Variants in ZNF561 observed in about 807,000 individuals in gnomAD.
ZNF561 encodes zinc finger protein 561.
ZNF561 carries 16 observed loss-of-function variants against 16.7 expected under a neutral mutation model. The observed-to-expected ratio is 0.96, with a 90% CI of 0.65 to 1.45. The LOEUF (loss-of-function observed/expected upper bound fraction) is 1.45. Ranked by LOEUF, ZNF561 falls within the 40% of genes most tolerant of loss-of-function variation. The probability of loss-of-function intolerance (pLI) is 0.00; values close to 1 mark genes in which losing one functional copy is unlikely to be tolerated. For missense variants in ZNF561, 580 were observed against 578.0 expected (o/e 1.00, Z -0.04); for synonymous variants, 190 against 192.1 (o/e 0.99, Z 0.09).
chr19:9,619,332 A>G lies in ZNF561; in HGVS notation c.25+100T>C, dbSNP rs1397484256. 2.9e-5 allele frequency: 32 copies of G among 1,094,980 alleles called. No homozygotes were observed. The East Asian group carries it at 7.6e-4, about 26-fold the overall frequency. The allele number at this position is 1,094,980 out of a possible 1,614,324, so 67.8% of individuals were successfully genotyped here. A position where few individuals can be genotyped will look rare whatever the true frequency, so the allele number is the denominator to read the frequency against. On this transcript the variant is annotated intron_variant, in intron 2 of 5. Transcript: ENST00000302851. ...GTTCACTTCAATTCCTCCTAAAAGA[A>G]CCAGCTGCATGCCTGCTCAGGCTCA...
rs749414318 is a variant in ZNF561, at chr19:9,610,692, T to C, written c.969A>G (p.Gln323=). The change falls in exon 6 of 6, where the codon CAA becomes CAG. Residue 323 remains glutamine (Q), a synonymous_variant. Coordinates refer to ENST00000302851, the MANE Select transcript of ZNF561 (RefSeq NM_152289.3). The stretch of plus-strand genomic sequence containing the variant: ...TGTGAGTTCTTACATGTTCAGTAAG[T>C]TGAGTTGATCTAGTGAAGGCTTTCC... ...YCGKAFTRST[Q]LTEHVRTHTG... 6.8e-6 allele frequency: 11 copies of C among 1,614,092 alleles called. No homozygotes were observed. The highest frequency in any genetic ancestry group is 3.3e-4 in the Middle Eastern group (2 of 6,062).
At position 9,608,551 on chromosome 19, in the gene ZNF561, A is replaced by T. The variant is rs2074390639; in HGVS notation, c.*1649T>A. The T allele has an allele frequency of 6.6e-6, 1 of 152,218 alleles. No individual in the cohort carries two copies. Among genetic ancestry groups the T allele is most frequent in the Non-Finnish European group, 1.5e-5 (1 of 68,038 alleles). The allele number at this position is 152,218 out of a possible 1,614,324, so 9.4% of individuals were successfully genotyped here. On this transcript the variant is annotated 3_prime_UTR_variant, in exon 6 of 6. Coordinates refer to ENST00000302851, the MANE Select transcript of ZNF561 (RefSeq NM_152289.3). ...TGGCCTGAGCTCATTAAGGCAGATTAAAAACAAACAAACAAAAAAACTAAA... is the reference window on the plus strand; with the variant it reads ...TGGCCTGAGCTCATTAAGGCAGATTTAAAACAAACAAACAAAAAAACTAAA...
At chr19:9,614,160 A>G (rs916542422) in intron 4 of ZNF561, 57 bp from the exon 5 acceptor site, 9 of 1,587,440 alleles carry the variant, frequency 5.7e-6, no homozygotes, top group Middle Eastern at 1.7e-4. Context: ...TTCATTTAAA[A>G]TGAGTCATTT....
intron 4 of ZNF561, among the ~76,000 whole-genome samples, chr19:9,615,362 C>T (rs1243422829): frequency 2.0e-5 from 3 of 151,452 alleles, no homozygotes; most frequent in South Asian, 4.2e-4. Flanking sequence ...TTTGGGAGGT[C>T]GAGGTGGGTG....
rs780844118 is a variant in ZNF561, at chr19:9,609,585, G to A, written c.*615C>T. ...CTATATCAGCCACCTTGACAGAAGT[G>A]AGAAGAGAGACTGGATTATACTAGA... is the stretch of plus-strand genomic sequence containing the variant. On this transcript the variant is annotated 3_prime_UTR_variant, in exon 6 of 6. Coordinates refer to ENST00000302851, the MANE Select transcript of ZNF561 (RefSeq NM_152289.3). The A allele has an allele frequency of 1.3e-5, 2 of 152,262 alleles. No individual in the cohort carries two copies. The highest frequency in any genetic ancestry group is 2.9e-5 in the Non-Finnish European group (2 of 68,136). 9.4% of individuals were successfully genotyped at this position (152,262 alleles called of 1,614,324 possible). A position where few individuals can be genotyped will look rare whatever the true frequency, so the allele number is the denominator to read the frequency against.
rs1346680236 is a variant in ZNF561, at chr19:9,619,536, G to A, written c.-80C>T. ...CTCAGGCCAGCTTATGAATCTAGGTGGATAGAGGCAATCTCCATTCCTCTT... is the reference window on the plus strand; with the variant it reads ...CTCAGGCCAGCTTATGAATCTAGGTAGATAGAGGCAATCTCCATTCCTCTT... On this transcript the variant is annotated 5_prime_UTR_variant, in exon 2 of 6. Transcript: ENST00000302851. 6.8e-7 allele frequency: 1 copy of A among 1,472,638 alleles called. No homozygotes were observed. The highest frequency in any genetic ancestry group is 1.2e-5 in the South Asian group (1 of 86,564). The allele number at this position is 1,472,638 out of a possible 1,614,324, so 91.2% of individuals were successfully genotyped here. A position where few individuals can be genotyped will look rare whatever the true frequency, so the allele number is the denominator to read the frequency against.
At chr19:9,614,187 T>A in intron 4 of ZNF561, 84 bp from the exon 5 acceptor site, 1 of 1,512,406 alleles carries the variant, frequency 6.6e-7, no homozygotes, top group South Asian at 1.2e-5. Context: ...GTTTTCAAAT[T>A]AAACACAGCA....
In ZNF561 at chr19:9,609,216, A is replaced by C. The variant is rs2074402459; in HGVS notation, c.*984T>G. 6.6e-6 allele frequency: 1 copy of C among 152,192 alleles called. No individual in the cohort carries two copies. The highest frequency in any genetic ancestry group is 6.5e-5 in the Admixed American group (1 of 15,280). The allele number at this position is 152,192 out of a possible 1,614,324, so 9.4% of individuals were successfully genotyped here. A position where few individuals can be genotyped will look rare whatever the true frequency, so the allele number is the denominator to read the frequency against. On this transcript the variant is annotated 3_prime_UTR_variant, in exon 6 of 6. Coordinates refer to ENST00000302851, the MANE Select transcript of ZNF561 (RefSeq NM_152289.3). ...AATCTATAGAAATAATGTTTATCAC[A>C]GGCTTACTGTCAATAAATATGTGGG... is the stretch of plus-strand genomic sequence containing the variant.
chr19:9,618,124 C>T lies in ZNF561; in HGVS notation c.81G>A (p.Arg27=), dbSNP rs1344915261. The change falls in exon 3 of 6, where the codon AGG becomes AGA. Residue 27 remains arginine, a synonymous_variant. Coordinates refer to ENST00000302851, the MANE Select transcript of ZNF561 (RefSeq NM_152289.3). ...CPFEEKTKVE[R]MVEDYLASGY... ...CACTTGCCAGGTAGTCCTCCACCAT[C>T]CTTTCTACCTTTGTCTTTTCTTCAA... 6.4e-7 allele frequency: 1 copy of T among 1,551,216 alleles called. No individual in the cohort carries two copies. Among genetic ancestry groups the T allele is most frequent in the Non-Finnish European group, 8.7e-7 (1 of 1,146,728 alleles).
At position 9,610,225 on chromosome 19, in the gene ZNF561, C is replaced by T. The variant is rs1258320566; in HGVS notation, c.1436G>A (p.Cys479Tyr). The change falls in exon 6 of 6, where the codon TGC becomes TAC. Residue 479 changes from cysteine to tyrosine, a missense_variant. Physicochemically the swap from Cys to Tyr is radical, Grantham distance 194 (BLOSUM62 -2). Transcript: ENST00000302851. ...RIHTGEKPYECKDMSVTI is the reference protein window; with the variant it reads ...RIHTGEKPYEYKDMSVTI ...CTAAATGGTAACACTCATATCCTTGCATTCATAGGGTTTCTCCCCAGTGTG... is the reference window on the plus strand; with the variant it reads ...CTAAATGGTAACACTCATATCCTTGTATTCATAGGGTTTCTCCCCAGTGTG... 4 of 1,604,444 alleles carry T rather than the reference C, an allele frequency of 2.5e-6. No individual in the cohort carries two copies. Among genetic ancestry groups the T allele is most frequent in the Non-Finnish European group, 3.4e-6 (4 of 1,175,198 alleles).
chr19:9,620,543 A>G (rs1387938664), intron 1 of ZNF561, among the ~76,000 whole-genome samples: 1 of 151,982 alleles, frequency 6.6e-6, no homozygotes, highest in Admixed American at 6.6e-5. Flanking sequence ...TCTATTTAAT[A>G]CTGAAAAAAA....
intron 1 of ZNF561, among the ~76,000 whole-genome samples, chr19:9,619,837 C>CTCTATCTATCTATA (rs1011606191): frequency 1.3e-5 from 2 of 151,146 alleles, no homozygotes; most frequent in East Asian, 1.9e-4. Flanking sequence ...CTATCATTAC[C>CTCTATCTATCTATA]TCTATCTATC....
chr19:9,612,693 C>G (rs562417833), intron 5 of ZNF561, among the ~76,000 whole-genome samples: 1 of 152,124 alleles, frequency 6.6e-6, no homozygotes, highest in Non-Finnish European at 1.5e-5. Context: ...TTTTTATTCC[C>G]TGACTTCTTG....
chr19:9,620,385 C>T (rs772632476), intron 1 of ZNF561, among the ~76,000 whole-genome samples: 1 of 152,142 alleles, frequency 6.6e-6, no homozygotes, highest in Admixed American at 6.6e-5. Context: ...CCACTGGGTC[C>T]GGCTAATTTT....
In ZNF561 at chr19:9,610,319, G is replaced by A. The variant is rs2074422574; in HGVS notation, c.1342C>T (p.Pro448Ser). 1.2e-6 allele frequency: 2 copies of A among 1,614,194 alleles called. No homozygotes were observed. Among genetic ancestry groups the A allele is most frequent in the Non-Finnish European group, 1.7e-6 (2 of 1,180,028 alleles). Residue 448 changes from proline to serine, a missense_variant, in exon 6 of 6, where the codon CCC (proline) becomes TCC (serine). Pro to Ser is a moderately conservative substitution (Grantham distance 74). Coordinates refer to ENST00000302851, the MANE Select transcript of ZNF561 (RefSeq NM_152289.3). ...TTCCCACATTCTTTACATACGAAGG[G>A]TTTCTCTCCGGTATGAGTTCGCAGG... ...VHLRTHTGEKPFVCKECGKAF... is the reference protein window; with the variant it reads ...VHLRTHTGEKSFVCKECGKAF...
chr19:9,619,946 C>CTATCTATCTATCTATCT (rs568032702), intron 1 of ZNF561, among the ~76,000 whole-genome samples: 12 of 151,440 alleles, frequency 7.9e-5, no homozygotes, highest in African/African-American at 2.7e-4. Context: ...ATCTATCTAT[C>CTATCTATCTATCTATCT]GAGACAGGGT....
In ZNF561 at chr19:9,610,013, C is replaced by G. The variant is rs531475248; in HGVS notation, c.*187G>C. ...CAGTACTGACCTCACCATCCATGACCCTTCTTCACAGATGCCCAGACTCAG... is the reference window on the plus strand; with the variant it reads ...CAGTACTGACCTCACCATCCATGACGCTTCTTCACAGATGCCCAGACTCAG... On this transcript the variant is annotated 3_prime_UTR_variant, in exon 6 of 6. Coordinates refer to ENST00000302851, the MANE Select transcript of ZNF561 (RefSeq NM_152289.3). 5.3e-6 allele frequency: 3 copies of G among 567,060 alleles called. No individual in the cohort carries two copies. In the African/African-American group the frequency reaches 5.6e-5, roughly 11 times the overall value. The allele number at this position is 567,060 out of a possible 1,614,324, so 35.1% of individuals were successfully genotyped here. A position where few individuals can be genotyped will look rare whatever the true frequency, so the allele number is the denominator to read the frequency against.
At chr19:9,620,626 C>A (rs1032553611) in intron 1 of ZNF561, among the ~76,000 whole-genome samples, 1 of 151,622 alleles carries the variant, frequency 6.6e-6, no homozygotes, top group Admixed American at 6.6e-5. Flanking sequence ...TATGGTGTTA[C>A]CCCCCCGCCA....
intron 4 of ZNF561, among the ~76,000 whole-genome samples, chr19:9,616,717 G>A (rs1400821576): frequency 2.6e-5 from 4 of 151,488 alleles, no homozygotes; most frequent in African/African-American, 4.8e-5. Context: ...TCAGCCTCCC[G>A]AATAGCTGGG....
Sources: gnomAD v4.1 joint callset for allele counts (sites outside exome capture counted in the v4.1 genomes callset) on GRCh38, gnomAD v4.1.1 for gene constraint, MANE v1.5 for transcripts, NCBI Gene and HGNC (gene_info 2026-07-23, HGNC 2026-07-21) for gene names.